Variants in ZNF488 observed in about 807,000 individuals in gnomAD.
The protein encoded by ZNF488 is zinc finger protein 488.
Under a neutral mutation model 1.2 loss-of-function variants are expected in ZNF488, and 1 was observed. That is an observed-to-expected ratio of 0.86 (90% CI 0.30 to 4.07). The LOEUF is 4.07. Among genes scored for constraint, ZNF488 ranks in the 30% most tolerant of loss-of-function variants. The pLI, the probability that ZNF488 is intolerant of heterozygous loss-of-function variation, is 0.18. For synonymous variants in ZNF488, 185 were observed against 190.1 expected, an observed-to-expected ratio of 0.97 and a Z score of 0.22; for missense variants, 450 against 437.9, an observed-to-expected ratio of 1.03 and a Z score of -0.25.
At chr10:47,377,297 C>T (rs558164513) in intron 1 of ZNF488, among the ~76,000 whole-genome samples, 1 of 152,174 alleles carries the variant, frequency 6.6e-6, no homozygotes, top group Non-Finnish European at 1.5e-5. Flanking sequence ...CTTATGTGTG[C>T]CTGGTACTGG....
chr10:47,367,965 C>T lies in ZNF488; in HGVS notation c.865G>A (p.Asp289Asn), dbSNP rs79620213. 8,406 of 1,614,028 alleles carry T rather than the reference C, an allele frequency of 5.2e-3. 32 individuals are homozygous for T. Among genetic ancestry groups the T allele is most frequent in the Non-Finnish European group, 6.7e-3 (7,882 of 1,180,026 alleles). Residue 289 changes from aspartate to asparagine, a missense_variant, in exon 2 of 2, where the codon GAC (aspartate) becomes AAC (asparagine). Asp to Asn is a conservative substitution (Grantham distance 23). Transcript: ENST00000585316. Reference protein sequence around the residue: ...KCNLSFRLTSDLVFHMRSHHK... With the variant: ...KCNLSFRLTSNLVFHMRSHHK... Reference sequence around the variant, plus strand: ...TGGGATCGCATGTGAAAGACCAGGTCGGACGTTAGGCGAAAGGACAGGTTG... The same window carrying T: ...TGGGATCGCATGTGAAAGACCAGGTTGGACGTTAGGCGAAAGGACAGGTTG...
intron 1 of ZNF488, among the ~76,000 whole-genome samples, chr10:47,374,101 A>G (rs1250549565): frequency 2.0e-5 from 3 of 152,230 alleles, no homozygotes; most frequent in African/African-American, 4.8e-5. Flanking sequence ...CAGTGTTTCT[A>G]GATGGCCTTG....
Position 47,366,880 on chromosome 10 carries a change from G to A in ZNF488, c.*927C>T, listed in dbSNP as rs1328236688. 6.0e-6 allele frequency: 1 copy of A among 167,072 alleles called. No homozygotes were observed. The highest frequency in any genetic ancestry group is 1.5e-5 in the Non-Finnish European group (1 of 68,126). 10.3% of individuals were successfully genotyped at this position (167,072 alleles called of 1,614,324 possible). A position where few individuals can be genotyped will look rare whatever the true frequency, so the allele number is the denominator to read the frequency against. ...CACAATGTGAAGAACTATGGACCAG[G>A]TATTGGCTGGAATTACCTGTCCCAA... On this transcript the variant is annotated 3_prime_UTR_variant, in exon 2 of 2. Coordinates refer to ENST00000585316, the MANE Select transcript of ZNF488 (RefSeq NM_153034.4).
At chr10:47,375,397 C>A (rs114094487) in intron 1 of ZNF488, among the ~76,000 whole-genome samples, 7 of 152,112 alleles carry the variant, frequency 4.6e-5, no homozygotes, top group Non-Finnish European at 1.5e-5. Context: ...CCAGGGATAT[C>A]GTGAGTGGCC....
intron 1 of ZNF488, among the ~76,000 whole-genome samples, chr10:47,380,766 C>G (rs1190077724): frequency 6.6e-6 from 1 of 152,300 alleles, no homozygotes; most frequent in South Asian, 2.1e-4. Flanking sequence ...TGGAGGCCAG[C>G]TCTGCTGTAT....
chr10:47,374,332 C>G lies in ZNF488; in HGVS notation c.-108-5395G>C, dbSNP rs115199395. Among the ~76,000 whole-genome samples the G allele has an allele frequency of 2.3e-3, 357 of 152,358 alleles. 4 individuals carry two copies. Among genetic ancestry groups the G allele is most frequent in the African/African-American group, 8.2e-3 (341 of 41,574 alleles). Reference sequence around the variant, plus strand: ...TCAGCTGTGACACAGCATGATACTTCTGTCAGCCATAGCCATACCCAGACT... The same window carrying G: ...TCAGCTGTGACACAGCATGATACTTGTGTCAGCCATAGCCATACCCAGACT... On this transcript the variant is annotated intron_variant, in intron 1 of 1. Coordinates refer to ENST00000585316, the MANE Select transcript of ZNF488 (RefSeq NM_153034.4).
At chr10:47,375,923 C>T (rs1157413345) in intron 1 of ZNF488, among the ~76,000 whole-genome samples, 2 of 152,156 alleles carry the variant, frequency 1.3e-5, no homozygotes, top group East Asian at 1.9e-4. Context: ...GAACGGCACA[C>T]GCGAATGCCA....
intron 1 of ZNF488, among the ~76,000 whole-genome samples, chr10:47,377,064 G>A (rs1342950592): frequency 1.3e-5 from 2 of 152,204 alleles, no homozygotes; most frequent in African/African-American, 4.8e-5. Flanking sequence ...GTTGGTCCCT[G>A]GGGAGAGACA....
At chr10:47,382,700 C>T (rs143370101) in intron 1 of ZNF488, among the ~76,000 whole-genome samples, 147 of 152,300 alleles carry the variant, frequency 9.7e-4, no homozygotes, top group African/African-American at 3.1e-3. Flanking sequence ...CTAGCATATG[C>T]AAATTCTTTC....
At chr10:47,375,748 T>A (rs1253123200) in intron 1 of ZNF488, among the ~76,000 whole-genome samples, 2 of 152,222 alleles carry the variant, frequency 1.3e-5, no homozygotes, top group Non-Finnish European at 2.9e-5. Flanking sequence ...AAATCCATGT[T>A]GCAGCTACAT....
Position 47,368,949 on chromosome 10 carries a change from G to C in ZNF488, c.-108-12C>G. 8.3e-7 allele frequency: 1 copy of C among 1,209,328 alleles called. No homozygotes were observed. Among genetic ancestry groups the C allele is most frequent in the South Asian group, 1.5e-5 (1 of 66,896 alleles). 74.9% of individuals were successfully genotyped at this position (1,209,328 alleles called of 1,614,324 possible). A position where few individuals can be genotyped will look rare whatever the true frequency, so the allele number is the denominator to read the frequency against. On this transcript the variant is annotated splice_polypyrimidine_tract_variant and intron_variant, in intron 1 of 1. Coordinates refer to ENST00000585316, the MANE Select transcript of ZNF488 (RefSeq NM_153034.4). ...TCGGCCACAGGGCCCTGCAGAGAGA[G>C]GAAGCGACAGGCAGTGAGATGGGCA...
At chr10:47,377,468 G>A (rs1351123305) in intron 1 of ZNF488, among the ~76,000 whole-genome samples, 1 of 152,038 alleles carries the variant, frequency 6.6e-6, no homozygotes, top group Non-Finnish European at 1.5e-5. Context: ...AATCCTGATT[G>A]CTATGGATGT....
chr10:47,379,848 T>C (rs924779722), intron 1 of ZNF488, among the ~76,000 whole-genome samples: 1 of 152,090 alleles, frequency 6.6e-6, no homozygotes, highest in Non-Finnish European at 1.5e-5. Flanking sequence ...TTCCAGGTCA[T>C]GCTATACCCT....
intron 1 of ZNF488, among the ~76,000 whole-genome samples, chr10:47,372,315 G>A: frequency 6.6e-6 from 1 of 152,290 alleles, no homozygotes; most frequent in Admixed American, 6.5e-5. Flanking sequence ...CCCTGGCCCT[G>A]CCCATGCTTG....
intron 1 of ZNF488, among the ~76,000 whole-genome samples, chr10:47,383,528 T>C (rs1297652297): frequency 6.6e-6 from 1 of 152,186 alleles, no homozygotes; most frequent in East Asian, 1.9e-4. Context: ...TGTCTATTAG[T>C]AAAGGCAAAA....
intron 1 of ZNF488, among the ~76,000 whole-genome samples, chr10:47,380,996 T>A (rs1837926130): frequency 6.6e-6 from 1 of 152,294 alleles, no homozygotes; most frequent in Non-Finnish European, 1.5e-5. Flanking sequence ...AGCCTTCCCA[T>A]TACTCCTGAG....
intron 1 of ZNF488, among the ~76,000 whole-genome samples, chr10:47,371,694 G>A (rs1565780878): frequency 1.3e-5 from 2 of 152,012 alleles, no homozygotes; most frequent in Admixed American, 6.6e-5. Context: ...TTCTGTAAGG[G>A]ATTCTCACGG....
intron 1 of ZNF488, among the ~76,000 whole-genome samples, chr10:47,382,170 C>T (rs1247488604): frequency 6.6e-6 from 1 of 151,584 alleles, no homozygotes; most frequent in African/African-American, 2.5e-5. Flanking sequence ...CTCAACAGGG[C>T]TCTGTGCATG....
chr10:47,380,706 A>C (rs1837906937), intron 1 of ZNF488, among the ~76,000 whole-genome samples: 1 of 76,760 alleles, frequency 1.3e-5, no homozygotes, highest in South Asian at 3.6e-4. Context: ...GTCTCAGGTA[A>C]CCTTCGAGCC....
Sources: allele counts gnomAD v4.1 joint callset (sites outside exome capture counted in the v4.1 genomes callset), GRCh38; gene constraint gnomAD v4.1.1; transcripts MANE v1.5; gene names NCBI Gene and HGNC (gene_info 2026-07-23, HGNC 2026-07-21).